The following USP37 variants were observed in gnomAD, a reference collection of about 807,000 sequenced individuals.
USP37 encodes ubiquitin specific peptidase 37.
USP37 carries 27 observed loss-of-function variants against 124.0 expected under a neutral mutation model. The ratio of observed to expected loss-of-function variants is 0.22; its 90% CI spans 0.16 to 0.30. The LOEUF (loss-of-function observed/expected upper bound fraction) is 0.30, where lower values mean the gene tolerates loss of function less well. USP37 is among the 10% of genes least tolerant of loss of function. The pLI is 1.00. For missense variants in USP37, 889 were observed against 1,140.4 expected, an observed-to-expected ratio of 0.78 and a Z score of 3.17; for synonymous variants, 365 against 388.0, an observed-to-expected ratio of 0.94 and a Z score of 0.70.
intron 14 of USP37, among the ~76,000 whole-genome samples, chr2:218,492,034 T>C (rs1282581531): frequency 6.6e-6 from 1 of 152,036 alleles, no homozygotes; most frequent in African/African-American, 2.4e-5. Context: ...ACCCAATCTC[T>C]ACAAAAAATC....
rs769725063 is a variant in USP37 at position 218,485,746 on chromosome 2, AT to A, written c.1591-4del. ...CAAGAATACTCCAGTTCTTCGGCCT[AT>A]AAAAAGAAGGAAAAATAAAGCATGA... is the stretch of plus-strand genomic sequence containing the variant. On this transcript the variant is annotated splice_region_variant and splice_polypyrimidine_tract_variant and intron_variant, in intron 15 of 25. Coordinates refer to ENST00000258399, the MANE Select transcript of USP37 (RefSeq NM_020935.3). 5 of 1,608,760 alleles carry A rather than the reference AT, an allele frequency of 3.1e-6. No homozygotes were observed. The highest frequency in any genetic ancestry group is 3.4e-6 in the Non-Finnish European group (4 of 1,178,736).
At chr2:218,507,150 A>T (rs552019793) in intron 11 of USP37, among the ~76,000 whole-genome samples, 58 of 151,160 alleles carry the variant, frequency 3.8e-4, no homozygotes, top group African/African-American at 4.4e-4. Flanking sequence ...GTATTTAATT[A>T]TATTTATTTA....
intron 11 of USP37, among the ~76,000 whole-genome samples, chr2:218,506,286 C>CTTT (rs60620765): frequency 1.1e-4 from 8 of 72,618 alleles, no homozygotes; most frequent in Non-Finnish European, 1.2e-4. Flanking sequence ...TTCTTTCTGG[C>CTTT]TTTTTTTTTT....
chr2:218,565,183 G>A lies in USP37; in HGVS notation c.-229-2370C>T, dbSNP rs116686250. ...AGCGATCCGCCCACCTTGGTCTCCC[G>A]CAATGCTGGGATTACTGGCATGAGC... On this transcript the variant is annotated intron_variant, in intron 1 of 25. Coordinates refer to ENST00000258399, the MANE Select transcript of USP37 (RefSeq NM_020935.3). Among the ~76,000 whole-genome samples the A allele has an allele frequency of 9.8e-3, 1,492 of 152,246 alleles. 24 individuals carry two copies. The highest frequency in any genetic ancestry group is 0.034 in the African/African-American group (1,413 of 41,528).
chr2:218,489,771 C>G (rs1412753518), intron 14 of USP37, among the ~76,000 whole-genome samples: 1 of 152,178 alleles, frequency 6.6e-6, no homozygotes, highest in African/African-American at 2.4e-5. Context: ...AGCCACCACA[C>G]CTGGTCCCAA....
intron 14 of USP37, among the ~76,000 whole-genome samples, chr2:218,490,225 C>T (rs1318105738): frequency 6.6e-6 from 1 of 152,092 alleles, no homozygotes; most frequent in East Asian, 1.9e-4. Context: ...GTGGCAGGCA[C>T]CTGTAGTCCG....
chr2:218,455,697 T>C lies in USP37; in HGVS notation c.2735A>G (p.Tyr912Cys). Residue 912 changes from tyrosine to cysteine, a missense_variant, in exon 25 of 26, where the codon TAT becomes TGT. Transcript: ENST00000258399. ...AAACCACGCTTGCTTCTTAATGTCA[T>C]ATACATCACTAATGTAATGACCTGA... ...SSSGHYISDV[Y>C]DIKKQAWFTY... is the part of the protein sequence containing the mutation. 1.9e-6 allele frequency: 3 copies of C among 1,613,484 alleles called. No homozygotes were observed. Among genetic ancestry groups the C allele is most frequent in the Non-Finnish European group, 1.7e-6 (2 of 1,179,858 alleles).
Position 218,468,525 on chromosome 2 carries a change from C to T in USP37, c.2300-2349G>A, listed in dbSNP as rs1345068251. On this transcript the variant is annotated intron_variant, in intron 20 of 25. Transcript: ENST00000258399. ...GGATTGAGCCACCATGCCCGGCCCA[C>T]GATAATTTTCAATACAAATACAAGC... 3.3e-5 allele frequency among the ~76,000 whole-genome samples: 5 copies of T among 151,806 alleles called. No individual in the cohort carries two copies. In the East Asian group the frequency reaches 7.8e-4, roughly 24 times the overall value.
chr2:218,466,420 G>T (rs764084290), intron 20 of USP37, among the ~76,000 whole-genome samples: 1 of 152,016 alleles, frequency 6.6e-6, no homozygotes, highest in African/African-American at 2.4e-5. Flanking sequence ...ATTGTAGAAC[G>T]TTTAGCAGTG....
chr2:218,546,665 C>T (rs1241518412), intron 7 of USP37, among the ~76,000 whole-genome samples: 4 of 152,130 alleles, frequency 2.6e-5, no homozygotes, highest in Admixed American at 6.5e-5. Flanking sequence ...ATGATCCGCC[C>T]GCCTCAGTCT....
rs546267026 is a variant in USP37 at position 218,509,285 on chromosome 2, G to C, written c.1025+694C>G. Among the ~76,000 whole-genome samples, 12 of 152,208 alleles carry C rather than the reference G, an allele frequency of 7.9e-5. No individual in the cohort carries two copies. In the South Asian group the frequency reaches 1.7e-3, roughly 21 times the overall value. ...CTGGATTTACTACTGCTGTACTACT[G>C]ACTATATCACTTTGAGCAAGTTAAT... is the stretch of plus-strand genomic sequence containing the variant. On this transcript the variant is annotated intron_variant, in intron 11 of 25. Coordinates refer to ENST00000258399, the MANE Select transcript of USP37 (RefSeq NM_020935.3).
At chr2:218,498,498 C>T in intron 11 of USP37, 1 of 158,224 alleles carries the variant, frequency 6.3e-6, no homozygotes, top group Non-Finnish European at 1.4e-5. Flanking sequence ...GAGGCCGAGG[C>T]AGGCAGATCA....
chr2:218,522,072 C>T (rs1467358870), intron 10 of USP37, among the ~76,000 whole-genome samples: 1 of 142,724 alleles, frequency 7.0e-6, no homozygotes, highest in Non-Finnish European at 1.5e-5. Context: ...GACAGGGTCT[C>T]ACCATGTTGC....
chr2:218,546,596 T>C (rs1382549597), intron 7 of USP37, among the ~76,000 whole-genome samples: 1 of 152,180 alleles, frequency 6.6e-6, no homozygotes, highest in Non-Finnish European at 1.5e-5. Context: ...TTTTTTTGTA[T>C]TTTTAGTAGA....
chr2:218,463,272 C>G, intron 22 of USP37, 34 bp downstream of exon 22: 3 of 1,570,114 alleles, frequency 1.9e-6, no homozygotes, highest in Non-Finnish European at 2.6e-6. Context: ...GTAATTTTAC[C>G]ATTAAAAAAA....
chr2:218,492,559 A>C (rs1220380749), intron 14 of USP37, among the ~76,000 whole-genome samples: 1 of 152,244 alleles, frequency 6.6e-6, no homozygotes, highest in Non-Finnish European at 1.5e-5. Context: ...ATGGTAACTA[A>C]TTTAAAAGAT....
At chr2:218,535,074 A>C (rs1378609959) in intron 8 of USP37, among the ~76,000 whole-genome samples, 1 of 152,224 alleles carries the variant, frequency 6.6e-6, no homozygotes, top group Non-Finnish European at 1.5e-5. Context: ...TCAATTAAAA[A>C]GTAAACTGTG....
Position 218,474,703 on chromosome 2 carries a change from T to A in USP37, c.2226A>T (p.Glu742Asp). 2 of 1,614,210 alleles carry A rather than the reference T, an allele frequency of 1.2e-6. No homozygotes were observed. Among genetic ancestry groups the A allele is most frequent in the Non-Finnish European group, 1.7e-6 (2 of 1,180,034 alleles). ...TTTCTGGCATTTCTTGAATATCATCTTCTGCAAATCCGGTATCTGGGCTGC... is the reference window on the plus strand; with the variant it reads ...TTTCTGGCATTTCTTGAATATCATCATCTGCAAATCCGGTATCTGGGCTGC... ...PTSSPDTGFA[E>D]DDIQEMPENP... The change falls in exon 20 of 26, where the codon GAA becomes GAT. Residue 742 changes from glutamate to aspartate, a missense_variant. Physicochemically the swap from Glu to Asp is conservative, Grantham distance 45 (BLOSUM62 2). Coordinates refer to ENST00000258399, the MANE Select transcript of USP37 (RefSeq NM_020935.3).
chr2:218,456,940 A>T, intron 24 of USP37, 152 bp downstream of exon 24: 1 of 741,832 alleles, frequency 1.3e-6, no homozygotes, highest in Non-Finnish European at 2.1e-6. Flanking sequence ...ACTACACTCC[A>T]TCCTGGGCAA....
Sources: gnomAD v4.1 joint callset for allele counts (sites outside exome capture counted in the v4.1 genomes callset) on GRCh38, gnomAD v4.1.1 for gene constraint, MANE v1.5 for transcripts, NCBI Gene and HGNC (gene_info 2026-07-23, HGNC 2026-07-21) for gene names.